Variants in KLHL13 observed in about 807,000 individuals in gnomAD.
KLHL13 encodes the protein kelch-like protein 13.
A neutral mutation model predicts 37.1 loss-of-function variants in KLHL13; 10 were observed. The ratio of observed to expected loss-of-function variants is 0.27; its 90% CI spans 0.17 to 0.46. KLHL13 has a LOEUF of 0.46. KLHL13 is among the 20% of genes least tolerant of loss of function. KLHL13 has a pLI of 1.00. For missense variants in KLHL13, 360 were observed against 509.3 expected (o/e 0.71, Z 2.82); for synonymous variants, 163 against 181.2 (o/e 0.90, Z 0.81).
intron 6 of KLHL13, among the ~76,000 whole-genome samples, chrX:117,900,068 C>T (rs996024948): frequency 2.7e-5 from 3 of 111,939 alleles, no homozygotes; most frequent in Admixed American, 9.5e-5. Context: ...GCTGAATATA[C>T]GTGGAATTTT....
intron 2 of KLHL13, among the ~76,000 whole-genome samples, chrX:117,935,895 T>C (rs1932751244): frequency 9.0e-6 from 1 of 111,608 alleles, no homozygotes; most frequent in Non-Finnish European, 1.9e-5. Context: ...TTTGAGGTGA[T>C]TATAATGTTC....
At chrX:118,101,292 T>C (rs997922086) in intron 1 of KLHL13, among the ~76,000 whole-genome samples, 5 of 112,044 alleles carry the variant, frequency 4.5e-5, no homozygotes, top group African/African-American at 1.6e-4. Context: ...GGAGTCATAA[T>C]TAGTAAACTA....
intron 1 of KLHL13, among the ~76,000 whole-genome samples, chrX:118,041,100 T>C (rs1343630230): frequency 3.6e-5 from 4 of 112,604 alleles, no homozygotes; most frequent in Middle Eastern, 4.6e-3. Flanking sequence ...AAGGATATTA[T>C]TGAGCAAGAC....
chrX:118,006,128 ATACT>A (rs912179948), intron 1 of KLHL13, among the ~76,000 whole-genome samples: 18 of 111,783 alleles, frequency 1.6e-4, no homozygotes, highest in African/African-American at 5.5e-4. Flanking sequence ...TATTAGATCA[ATACT>A]TACTTTCTAT....
intron 1 of KLHL13, among the ~76,000 whole-genome samples, chrX:117,966,972 G>A (rs941166354): frequency 9.9e-5 from 11 of 111,570 alleles, no homozygotes; most frequent in African/African-American, 3.6e-4. Flanking sequence ...AGAAAACCTA[G>A]GCAATACCAT....
chrX:118,021,975 T>C (rs1412555707), intron 1 of KLHL13, among the ~76,000 whole-genome samples: 1 of 112,287 alleles, frequency 8.9e-6, no homozygotes, highest in African/African-American at 3.2e-5. Context: ...TTTGTATTTA[T>C]CTGGTGGCCA....
In KLHL13 at chrX:117,902,974, A is replaced by G. The variant is rs761727292; in HGVS notation, c.1367-1028T>C. ...TTGAAGCTTTGGTCCACCATATGATATAGTTCTGGGCAGCGACGGGTAAGC... is the reference window on the plus strand; with the variant it reads ...TTGAAGCTTTGGTCCACCATATGATGTAGTTCTGGGCAGCGACGGGTAAGC... On this transcript the variant is annotated intron_variant, in intron 5 of 6. Transcript: ENST00000262820. Among the ~76,000 whole-genome samples, 7 of 110,745 alleles carry G rather than the reference A, an allele frequency of 6.3e-5. No individual in the cohort carries two copies. In the East Asian group the frequency reaches 2.0e-3, roughly 32 times the overall value.
chrX:117,918,829 C>G (rs1222339229), intron 4 of KLHL13, among the ~76,000 whole-genome samples: 4 of 111,647 alleles, frequency 3.6e-5, no homozygotes, highest in African/African-American at 1.3e-4. Flanking sequence ...AGATCTAGCT[C>G]CCTTATTAAA....
chrX:117,973,168 T>C (rs1156958438), exon 1 of KLHL13: 1 of 913,094 alleles, frequency 1.1e-6, no homozygotes, highest in African/African-American at 2.1e-5. Flanking sequence ...TTTTTTTTTT[T>C]AAGCTTGCAA....
intron 1 of KLHL13, among the ~76,000 whole-genome samples, chrX:117,996,706 T>G (rs2147957363): frequency 9.1e-6 from 1 of 110,254 alleles, no homozygotes; most frequent in Admixed American, 9.8e-5. Context: ...TTTTTCCTAA[T>G]CAGCGTTAAA....
exon 1 of KLHL13, chrX:117,973,016 C>T: frequency 9.4e-7 from 1 of 1,058,844 alleles, no homozygotes; most frequent in South Asian, 2.6e-5. Context: ...TCCTTAAATT[C>T]TTCTGTCCCC....
At chrX:118,020,332 T>C (rs1386816266) in intron 1 of KLHL13, among the ~76,000 whole-genome samples, 5 of 111,763 alleles carry the variant, frequency 4.5e-5, no homozygotes, top group African/African-American at 9.8e-5. Flanking sequence ...GTGATTTTTG[T>C]ACATTGATTT....
At chrX:118,050,268 A>G (rs1281820164) in intron 1 of KLHL13, among the ~76,000 whole-genome samples, 2 of 111,767 alleles carry the variant, frequency 1.8e-5, no homozygotes, top group African/African-American at 6.5e-5. Flanking sequence ...TTTGAGGTAT[A>G]TTGTTGGCTC....
chrX:118,097,048 T>C (rs1045872960), intron 1 of KLHL13, among the ~76,000 whole-genome samples: 2 of 111,213 alleles, frequency 1.8e-5, no homozygotes, highest in African/African-American at 3.3e-5. Flanking sequence ...TCACCACTCC[T>C]ATTCAACATA....
chrX:118,072,634 G>GA (rs1454014949), intron 1 of KLHL13, among the ~76,000 whole-genome samples: 1 of 111,256 alleles, frequency 9.0e-6, no homozygotes, highest in Non-Finnish European at 1.9e-5. Flanking sequence ...AAATTTACAA[G>GA]AAAAAAACAA....
chrX:118,050,152 T>G (rs1307384447), intron 1 of KLHL13, among the ~76,000 whole-genome samples: 3 of 111,725 alleles, frequency 2.7e-5, no homozygotes, highest in African/African-American at 9.8e-5. Flanking sequence ...TCCCAAAGTG[T>G]TGGGATTATG....
At chrX:117,958,870 T>C (rs1321535360) in intron 1 of KLHL13, among the ~76,000 whole-genome samples, 1 of 111,823 alleles carries the variant, frequency 8.9e-6, no homozygotes, top group Non-Finnish European at 1.9e-5. Context: ...CATAAGGGTA[T>C]CAGTTCATAT....
At chrX:118,097,782 A>G (rs1233940535) in intron 1 of KLHL13, among the ~76,000 whole-genome samples, 1 of 111,657 alleles carries the variant, frequency 9.0e-6, no homozygotes, top group African/African-American at 3.3e-5. Context: ...CCGCATATCT[A>G]CAACTATCTG....
intron 2 of KLHL13, among the ~76,000 whole-genome samples, chrX:117,935,183 C>G (rs909764590): frequency 8.9e-6 from 1 of 111,940 alleles, no homozygotes; most frequent in Non-Finnish European, 1.9e-5. Context: ...ATATTCATAG[C>G]TTTTATTCAT....
Sources: allele counts gnomAD v4.1 joint callset (sites outside exome capture counted in the v4.1 genomes callset), GRCh38; gene constraint gnomAD v4.1.1; transcripts MANE v1.5; gene names NCBI Gene and HGNC (gene_info 2026-07-23, HGNC 2026-07-21).